The following TENM3 variants were observed in gnomAD, a reference collection of about 807,000 sequenced individuals.
TENM3 encodes the protein teneurin-3.
TENM3 carries 63 observed loss-of-function variants against 255.1 expected under a neutral mutation model. The ratio of observed to expected loss-of-function variants is 0.25; its 90% CI spans 0.20 to 0.30. TENM3 has a LOEUF of 0.30. Ranked by LOEUF, TENM3 falls within the 10% of genes least tolerant of loss-of-function variation. TENM3 has a pLI of 1.00. For synonymous variants in TENM3, 1,306 were observed against 1,322.3 expected, an observed-to-expected ratio of 0.99 and a Z score of 0.27; for missense variants, 2,929 against 3,461.1, an observed-to-expected ratio of 0.85 and a Z score of 3.86.
chr4:181,660,008 G>T, the TENM3 span, among the ~76,000 whole-genome samples: 1 of 152,068 alleles, frequency 6.6e-6, no homozygotes. Context: ...ACGGCTCTGC[G>T]GTGGTCCTTC....
chr4:182,662,201 G>C lies in TENM3; in HGVS notation c.1111+8308G>C, dbSNP rs145705071. Among the ~76,000 whole-genome samples, 657 of 152,186 alleles carry C rather than the reference G, an allele frequency of 4.3e-3. 6 individuals carry two copies. The highest frequency in any genetic ancestry group is 0.015 in the African/African-American group (636 of 41,546). Reference sequence around the variant, plus strand: ...CATAAGAAGGAGAGGAATAACAATAGCTTTGCGTATGTGGTCTCTCTCTGT... The same window carrying C: ...CATAAGAAGGAGAGGAATAACAATACCTTTGCGTATGTGGTCTCTCTCTGT... On this transcript the variant is annotated intron_variant, in intron 6 of 27. Transcript: ENST00000511685.
chr4:182,141,635 G>C (rs1749439931), upstream of TENM3: 1 of 152,170 alleles, frequency 6.6e-6, no homozygotes, highest in African/African-American at 2.4e-5. Context: ...ATGAGTTCTA[G>C]AGTATTTTTT....
chr4:182,585,195 C>A (rs1238027855), intron 3 of TENM3, among the ~76,000 whole-genome samples: 2 of 152,084 alleles, frequency 1.3e-5, no homozygotes, highest in African/African-American at 2.4e-5. Context: ...CACAACATTT[C>A]CTTTTAAGAT....
At chr4:182,157,206 C>G (rs138678675) in intron 1 of TENM3, among the ~76,000 whole-genome samples, 2 of 152,124 alleles carry the variant, frequency 1.3e-5, no homozygotes, top group Non-Finnish European at 2.9e-5. Context: ...ACAAATGTTT[C>G]GAAACATAGT....
intron 1 of TENM3, among the ~76,000 whole-genome samples, chr4:182,214,004 G>GCA (rs1157367069): frequency 2.0e-5 from 3 of 152,202 alleles, no homozygotes; most frequent in Non-Finnish European, 4.4e-5. Context: ...GGTTTCACTT[G>GCA]TGTTAGCCAG....
chr4:182,050,737 A>G, the TENM3 span, among the ~76,000 whole-genome samples: 1 of 152,136 alleles, frequency 6.6e-6, no homozygotes, highest in South Asian at 2.1e-4. Context: ...CCCAGAGACA[A>G]AGGTTGCAGT....
the TENM3 span, among the ~76,000 whole-genome samples, chr4:181,773,749 G>C: frequency 6.6e-6 from 1 of 152,034 alleles, no homozygotes; most frequent in Admixed American, 6.6e-5. Context: ...TATTCTATTA[G>C]GTTGTGTTTA....
At chr4:182,364,156 G>A (rs78092468) in intron 3 of TENM3, among the ~76,000 whole-genome samples, 1 of 151,918 alleles carries the variant, frequency 6.6e-6, no homozygotes, top group South Asian at 2.1e-4. Context: ...CAAGTAAAAT[G>A]ATGGGATACG....
chr4:181,747,060 G>T, the TENM3 span, among the ~76,000 whole-genome samples: 1 of 151,948 alleles, frequency 6.6e-6, no homozygotes, highest in Non-Finnish European at 1.5e-5. Context: ...GGGCAAGTGC[G>T]TTTAAAATTT....
At chr4:182,701,752 A>C (rs528940319) in intron 12 of TENM3, among the ~76,000 whole-genome samples, 1 of 152,224 alleles carries the variant, frequency 6.6e-6, no homozygotes, top group African/African-American at 2.4e-5. Context: ...TAGATATGCA[A>C]TTATGACTAC....
chr4:181,830,487 G>T, the TENM3 span, among the ~76,000 whole-genome samples: 1 of 151,962 alleles, frequency 6.6e-6, no homozygotes, highest in Non-Finnish European at 1.5e-5. Flanking sequence ...TGGTCAGGCT[G>T]GTCTCAAATT....
At chr4:181,541,798 G>A in the TENM3 span, among the ~76,000 whole-genome samples, 1 of 152,136 alleles carries the variant, frequency 6.6e-6, no homozygotes, top group Non-Finnish European at 1.5e-5. Flanking sequence ...GTTCCTTTAA[G>A]GATTTCTTTT....
the TENM3 span, among the ~76,000 whole-genome samples, chr4:181,847,585 ATATTG>A: frequency 6.6e-6 from 1 of 151,976 alleles, no homozygotes; most frequent in Non-Finnish European, 1.5e-5. Flanking sequence ...ATTATATAAC[ATATTG>A]TAATGTATGA....
At chr4:181,629,352 G>T in the TENM3 span, among the ~76,000 whole-genome samples, 1 of 152,068 alleles carries the variant, frequency 6.6e-6, no homozygotes, top group Non-Finnish European at 1.5e-5. Context: ...TGATTGCCCT[G>T]GCCAGAACTT....
chr4:182,510,844 G>T (rs547054755), intron 3 of TENM3, among the ~76,000 whole-genome samples: 1 of 152,042 alleles, frequency 6.6e-6, no homozygotes, highest in African/African-American at 2.4e-5. Context: ...GTCTTCCATG[G>T]GATCTGAGCG....
At chr4:182,721,714 C>T (rs1759748618) in intron 13 of TENM3, among the ~76,000 whole-genome samples, 1 of 152,092 alleles carries the variant, frequency 6.6e-6, no homozygotes. Flanking sequence ...TGTTCATAGT[C>T]TATCTGTAAT....
At chr4:181,608,226 T>C in the TENM3 span, among the ~76,000 whole-genome samples, 27 of 152,270 alleles carry the variant, frequency 1.8e-4, no homozygotes, top group Middle Eastern at 0.014. Flanking sequence ...GAGAAACAAT[T>C]TAGAGAAATT....
Position 182,764,132 on chromosome 4 carries a change from C to A in TENM3, c.4892+8873C>A, listed in dbSNP as rs531174812. Reference sequence around the variant, plus strand: ...AAAGAAAATGAAAGTCTTTTCCATGCTACATTGCAAAGGCAAACAGATTGA... The same window carrying A: ...AAAGAAAATGAAAGTCTTTTCCATGATACATTGCAAAGGCAAACAGATTGA... On this transcript the variant is annotated intron_variant, in intron 22 of 27. Transcript: ENST00000511685. Among the ~76,000 whole-genome samples the A allele has an allele frequency of 6.0e-4, 91 of 152,350 alleles. 1 individual carries two copies. The South Asian group carries it at 0.018, about 31-fold the overall frequency.
the TENM3 span, among the ~76,000 whole-genome samples, chr4:181,920,580 G>A: frequency 6.6e-6 from 1 of 152,038 alleles, no homozygotes; most frequent in Non-Finnish European, 1.5e-5. Context: ...TAATGGGGTT[G>A]TTTGTTTTTT....
Sources: gnomAD v4.1 joint callset for allele counts (sites outside exome capture counted in the v4.1 genomes callset) on GRCh38, gnomAD v4.1.1 for gene constraint, MANE v1.5 for transcripts, NCBI Gene and HGNC (gene_info 2026-07-23, HGNC 2026-07-21) for gene names.